Variants in ACAA2 observed in about 807,000 individuals in gnomAD.
ACAA2 encodes 3-ketoacyl-CoA thiolase, mitochondrial.
Under a neutral mutation model 44.8 loss-of-function variants are expected in ACAA2, and 35 were observed. The observed-to-expected ratio is 0.78, with a 90% CI of 0.60 to 1.04. ACAA2 has a LOEUF of 1.04. Among genes scored for constraint, ACAA2 ranks in the 50% least tolerant of loss-of-function variants. The pLI is 0.00. For missense variants in ACAA2, 468 were observed against 482.6 expected, an observed-to-expected ratio of 0.97 and a Z score of 0.28; for synonymous variants, 142 against 166.5, an observed-to-expected ratio of 0.85 and a Z score of 1.13.
chr18:49,794,250 T>G, intron 5 of ACAA2, 30 bp downstream of exon 5: 1 of 1,547,136 alleles, frequency 6.5e-7, no homozygotes, highest in Admixed American at 1.9e-5. Flanking sequence ...ATTTATTCTA[T>G]AGATACTGAT....
intron 2 of ACAA2, among the ~76,000 whole-genome samples, chr18:49,800,288 C>G (rs917351075): frequency 6.7e-6 from 1 of 150,178 alleles, no homozygotes; most frequent in Non-Finnish European, 1.5e-5. Context: ...GGTCAGCCCC[C>G]CGCCCGGCCA....
At position 49,802,725 on chromosome 18, in the gene ACAA2, C is replaced by G. The variant is rs1311586831; in HGVS notation, c.145G>C (p.Glu49Gln). ...CCCATAATCACACTGTCAACTGTTT[C>G]AGGTGAGACTTTGCCAGCAGACAAG... ...AALSAGKVSP[E>Q]TVDSVIMGNV... is the part of the protein sequence containing the mutation. Residue 49 changes from glutamate (E) to glutamine (Q), a missense_variant, in exon 2 of 10, where the codon GAA becomes CAA. Transcript: ENST00000285093. The G allele has an allele frequency of 6.2e-7, 1 of 1,614,130 alleles. No homozygotes were observed.
chr18:49,786,463 G>C (rs1465733433), intron 8 of ACAA2: 1 of 152,158 alleles, frequency 6.6e-6, no homozygotes, highest in Non-Finnish European at 1.5e-5. Context: ...TTGAGGCTCT[G>C]AACTGTGATC....
chr18:49,800,927 A>C (rs970076972), intron 2 of ACAA2, among the ~76,000 whole-genome samples: 3 of 151,408 alleles, frequency 2.0e-5, no homozygotes, highest in African/African-American at 7.3e-5. Flanking sequence ...CTATCATCAT[A>C]TGTAAAGTTG....
rs2023284053 is a variant in ACAA2 at position 49,782,974 on chromosome 18, C to T, written c.*873G>A. 1 of 152,024 alleles carries T rather than the reference C, an allele frequency of 6.6e-6. No individual in the cohort carries two copies. Among genetic ancestry groups the T allele is most frequent in the African/African-American group, 2.4e-5 (1 of 41,374 alleles). The allele number at this position is 152,024 out of a possible 1,614,324, so 9.4% of individuals were successfully genotyped here. A position where few individuals can be genotyped will look rare whatever the true frequency, so the allele number is the denominator to read the frequency against. On this transcript the variant is annotated 3_prime_UTR_variant, in exon 10 of 10. Coordinates refer to ENST00000285093, the MANE Select transcript of ACAA2 (RefSeq NM_006111.3). ...ATAGGGCCTTGCCCTACTAGATATC[C>T]AGTCTTAGAACAGACAAATAAAGCA...
chr18:49,787,251 T>C, intron 8 of ACAA2, 40 bp downstream of exon 8: 2 of 1,358,908 alleles, frequency 1.5e-6, no homozygotes, highest in Non-Finnish European at 1.9e-6. Context: ...CATGGTTTAT[T>C]CATGTTGTTA....
chr18:49,788,109 A>G (rs2143948724), intron 7 of ACAA2, among the ~76,000 whole-genome samples: 1 of 152,368 alleles, frequency 6.6e-6, no homozygotes, highest in African/African-American at 2.4e-5. Context: ...GACTTCTGAA[A>G]TAAACTTTAG....
rs1335595907 is a variant in ACAA2 at position 49,797,236 on chromosome 18, G to A, written c.312+230C>T. Among the ~76,000 whole-genome samples, 3 of 150,982 alleles carry A rather than the reference G, an allele frequency of 2.0e-5. No individual in the cohort carries two copies. The East Asian group carries it at 5.8e-4, about 29-fold the overall frequency. ...TACAGTATTTGTCCTTTTATGACAG[G>A]CTTATTCCACTTTCAGGTTCATTAT... is the stretch of plus-strand genomic sequence containing the variant. On this transcript the variant is annotated intron_variant, in intron 3 of 9. Transcript: ENST00000285093.
chr18:49,806,898 G>C (rs747760298), intron 1 of ACAA2, among the ~76,000 whole-genome samples: 2 of 151,470 alleles, frequency 1.3e-5, no homozygotes, highest in African/African-American at 4.9e-5. Context: ...AAAATTCAGC[G>C]ACTTTGAAGA....
At position 49,801,683 on chromosome 18, in the gene ACAA2, T is replaced by C. The variant is rs115717486; in HGVS notation, c.183+1004A>G. On this transcript the variant is annotated intron_variant, in intron 2 of 9. Transcript: ENST00000285093. ...ACTTCTGTGTCCATTGTCATTCTCTTTCCTTTAGCAATGATCACATCATTG... is the reference window on the plus strand; with the variant it reads ...ACTTCTGTGTCCATTGTCATTCTCTCTCCTTTAGCAATGATCACATCATTG... Among the ~76,000 whole-genome samples the C allele has an allele frequency of 8.8e-3, 1,331 of 151,170 alleles. 25 individuals carry two copies. Among genetic ancestry groups the C allele is most frequent in the African/African-American group, 0.031 (1,264 of 41,298 alleles).
intron 2 of ACAA2, among the ~76,000 whole-genome samples, chr18:49,798,556 CA>C (rs2023491457): frequency 6.6e-6 from 1 of 151,146 alleles, no homozygotes; most frequent in Non-Finnish European, 1.5e-5. Context: ...GCAAGTTTGA[CA>C]AAATGTAAAA....
At position 49,783,633 on chromosome 18, in the gene ACAA2, A is replaced by G. The variant is rs2023291585; in HGVS notation, c.*214T>C. ...TTGAGTTTTAGCTCAGAAATACATC[A>G]TATTTCACTGGTTCAAATCTGAGAG... On this transcript the variant is annotated 3_prime_UTR_variant, in exon 10 of 10. Coordinates refer to ENST00000285093, the MANE Select transcript of ACAA2 (RefSeq NM_006111.3). The G allele has an allele frequency of 6.0e-6, 3 of 501,296 alleles. No homozygotes were observed. Among genetic ancestry groups the G allele is most frequent in the Admixed American group, 6.6e-5 (2 of 30,118 alleles). The allele number at this position is 501,296 out of a possible 1,614,324, so 31.1% of individuals were successfully genotyped here.
chr18:49,788,504 TGG>T (rs2023360727), intron 7 of ACAA2, among the ~76,000 whole-genome samples: 1 of 152,074 alleles, frequency 6.6e-6, no homozygotes, highest in Non-Finnish European at 1.5e-5. Flanking sequence ...CAGTTTCATG[TGG>T]CTACTGATTT....
At chr18:49,802,639 C>G in intron 2 of ACAA2, 48 bp downstream of exon 2, 6 of 1,516,598 alleles carry the variant, frequency 4.0e-6, no homozygotes, top group Non-Finnish European at 5.3e-6. Context: ...TTTTTAGAAA[C>G]TGATCAAAGA....
chr18:49,795,720 T>A, intron 4 of ACAA2, 45 bp downstream of exon 4: 1 of 1,200,982 alleles, frequency 8.3e-7, no homozygotes, highest in Non-Finnish European at 1.2e-6. Context: ...AGTACTTATA[T>A]AATGCTAATA....
At chr18:49,789,167 C>T (rs1348066888) in intron 7 of ACAA2, among the ~76,000 whole-genome samples, 9 of 152,150 alleles carry the variant, frequency 5.9e-5, no homozygotes, top group Non-Finnish European at 1.3e-4. Context: ...CTATTCTTTT[C>T]AAGTCATGGC....
chr18:49,797,134 C>A (rs576422854), intron 3 of ACAA2, among the ~76,000 whole-genome samples: 1 of 152,140 alleles, frequency 6.6e-6, no homozygotes, highest in Non-Finnish European at 1.5e-5. Context: ...CTTTCCCTCA[C>A]CAGTCCCTGG....
intron 1 of ACAA2, among the ~76,000 whole-genome samples, chr18:49,803,934 G>A (rs370757003): frequency 3.0e-4 from 42 of 140,346 alleles, no homozygotes; most frequent in Middle Eastern, 4.1e-3. Flanking sequence ...TTTGGAGACA[G>A]AGTTTTGCTC....
intron 2 of ACAA2, among the ~76,000 whole-genome samples, chr18:49,799,564 A>G (rs1787565): frequency 0.52 from 78,964 of 151,838 alleles, 21,117 homozygotes; most frequent in Middle Eastern, 0.68. Context: ...TCTGCTCGCT[A>G]CAACCTCCAC....
Sources: allele counts gnomAD v4.1 joint callset (sites outside exome capture counted in the v4.1 genomes callset), GRCh38; gene constraint gnomAD v4.1.1; transcripts MANE v1.5; gene names NCBI Gene and HGNC (gene_info 2026-07-23, HGNC 2026-07-21).